RASSF8: variants seen among roughly 807,000 people sequenced by gnomAD.
RASSF8 encodes the protein ras association domain-containing protein 8.
RASSF8 carries 22 observed loss-of-function variants against 48.5 expected under a neutral mutation model. The ratio of observed to expected loss-of-function variants is 0.45; its 90% confidence interval spans 0.32 to 0.65. The LOEUF (loss-of-function observed/expected upper bound fraction) is 0.65, where lower values mean the gene tolerates loss of function less well. Ranked by LOEUF, RASSF8 falls within the 30% of genes least tolerant of loss-of-function variation. The pLI is 0.03. For missense variants in RASSF8, 418 were observed against 489.2 expected (o/e 0.85, Z 1.37); for synonymous variants, 127 against 171.5 (o/e 0.74, Z 2.03).
At chr12:25,988,569 T>A (rs960238274) in intron 1 of RASSF8, among the ~76,000 whole-genome samples, 8 of 152,126 alleles carry the variant, frequency 5.3e-5, no homozygotes, top group African/African-American at 1.2e-4. Flanking sequence ...ATAAAAAAAA[T>A]TTCTTTCATT....
chr12:26,016,146 C>G (rs1303946112), intron 2 of RASSF8, among the ~76,000 whole-genome samples: 2 of 150,662 alleles, frequency 1.3e-5, no homozygotes, highest in Non-Finnish European at 3.0e-5. Context: ...ATGGAAAATT[C>G]ATTCATTTTT....
intron 1 of RASSF8, among the ~76,000 whole-genome samples, chr12:25,964,136 C>T (rs1003193571): frequency 1.3e-5 from 2 of 152,120 alleles, no homozygotes; most frequent in African/African-American, 4.8e-5. Context: ...TGGTTGGGAA[C>T]CCTTGTTATT....
At chr12:25,963,042 A>G (rs1039852342) in intron 1 of RASSF8, among the ~76,000 whole-genome samples, 1 of 152,112 alleles carries the variant, frequency 6.6e-6, no homozygotes, top group Non-Finnish European at 1.5e-5. Flanking sequence ...GTGCCTTACT[A>G]TTTTACAGAG....
chr12:25,970,628 C>G (rs1941463990), intron 1 of RASSF8, among the ~76,000 whole-genome samples: 1 of 152,174 alleles, frequency 6.6e-6, no homozygotes, highest in African/African-American at 2.4e-5. Context: ...CTGCTAAAAG[C>G]CCAACCCTCA....
At chr12:26,074,329 T>G (rs773477911), downstream of RASSF8, among the ~76,000 whole-genome samples, 2 of 152,080 alleles carry the variant, frequency 1.3e-5, no homozygotes, top group Non-Finnish European at 2.9e-5. Context: ...GAGATGCATA[T>G]ATTTGTTCTC....
intron 2 of RASSF8, among the ~76,000 whole-genome samples, chr12:25,996,838 C>T (rs1022876743): frequency 1.3e-5 from 2 of 152,186 alleles, no homozygotes; most frequent in Non-Finnish European, 2.9e-5. Flanking sequence ...ACCTGGTTTA[C>T]AGGAGAGGGA....
chr12:26,069,535 T>C lies in RASSF8; in HGVS notation c.*717T>C, dbSNP rs1337652002. ...AAGCTAAATTGTATGTATAAAACAT[T>C]TGCAGTGTTTCAGACACTGTTGAAC... On this transcript the variant is annotated 3_prime_UTR_variant, in exon 6 of 6. Coordinates refer to ENST00000689635, the MANE Select transcript of RASSF8 (RefSeq NM_001394098.1). 2 of 985,342 alleles carry C rather than the reference T, an allele frequency of 2.0e-6. No individual in the cohort carries two copies. The highest frequency in any genetic ancestry group is 2.4e-6 in the Non-Finnish European group (2 of 829,934). The allele number at this position is 985,342 out of a possible 1,614,324, so 61.0% of individuals were successfully genotyped here. A position where few individuals can be genotyped will look rare whatever the true frequency, so the allele number is the denominator to read the frequency against.
chr12:25,983,782 A>G (rs895589720), intron 1 of RASSF8, among the ~76,000 whole-genome samples: 3 of 152,230 alleles, frequency 2.0e-5, no homozygotes, highest in Non-Finnish European at 4.4e-5. Context: ...TTACCGTAGG[A>G]CAGGGGTGAT....
At chr12:25,972,453 A>G (rs1402405758) in intron 1 of RASSF8, among the ~76,000 whole-genome samples, 1 of 152,172 alleles carries the variant, frequency 6.6e-6, no homozygotes, top group African/African-American at 2.4e-5. Context: ...CTCCAGCAGT[A>G]TTTATAGTAA....
chr12:26,009,653 C>T (rs976852805), intron 2 of RASSF8, among the ~76,000 whole-genome samples: 2 of 152,038 alleles, frequency 1.3e-5, no homozygotes, highest in African/African-American at 4.8e-5. Context: ...GAGAAGGAAC[C>T]CCAGTAAAGC....
intron 3 of RASSF8, among the ~76,000 whole-genome samples, chr12:26,056,734 A>G (rs966338493): frequency 1.1e-4 from 16 of 152,266 alleles, no homozygotes; most frequent in African/African-American, 3.6e-4. Flanking sequence ...TATTGCAGCA[A>G]TGCTGAAAAT....
At chr12:25,984,912 G>A (rs902481767) in intron 1 of RASSF8, among the ~76,000 whole-genome samples, 5 of 152,304 alleles carry the variant, frequency 3.3e-5, no homozygotes, top group Admixed American at 3.3e-4. Context: ...ATGCTGATCA[G>A]ACCATTTTTG....
At position 26,065,135 on chromosome 12, in the gene RASSF8, A is replaced by G; in HGVS notation, c.741A>G (p.Ile247Met). The G allele has an allele frequency of 6.2e-7, 1 of 1,614,026 alleles. No individual in the cohort carries two copies. The highest frequency in any genetic ancestry group is 8.5e-7 in the Non-Finnish European group (1 of 1,179,954). ...EKQLKDQLQE[I>M]RQKITECENK... ...AGCTGAAGGATCAACTTCAAGAAAT[A>G]AGACAGAAAATAACAGAATGTGAAA... The change falls in exon 4 of 6, where the codon ATA becomes ATG. Residue 247 changes from isoleucine (I) to methionine (M), a missense_variant. Transcript: ENST00000689635.
intron 2 of RASSF8, among the ~76,000 whole-genome samples, chr12:26,006,986 G>A (rs999228678): frequency 6.6e-6 from 1 of 152,162 alleles, no homozygotes; most frequent in Non-Finnish European, 1.5e-5. Context: ...TGGGCATCTG[G>A]TGAGGGCCTC....
At chr12:26,064,067 A>C (rs572671223) in intron 3 of RASSF8, among the ~76,000 whole-genome samples, 5 of 152,200 alleles carry the variant, frequency 3.3e-5, no homozygotes, top group Non-Finnish European at 7.4e-5. Context: ...GGATTTCCAC[A>C]GTGGAAATGT....
intron 2 of RASSF8, among the ~76,000 whole-genome samples, chr12:26,001,946 C>T (rs1942268609): frequency 6.6e-6 from 1 of 152,192 alleles, no homozygotes; most frequent in Admixed American, 6.5e-5. Context: ...AGTTTGCTTA[C>T]ACCAGCATCA....
chr12:26,034,177 C>A (rs1020312204), intron 2 of RASSF8, among the ~76,000 whole-genome samples: 1 of 151,912 alleles, frequency 6.6e-6, no homozygotes, highest in African/African-American at 2.4e-5. Flanking sequence ...ATGGTAAGCA[C>A]GTGGCACACT....
intron 1 of RASSF8, among the ~76,000 whole-genome samples, chr12:25,990,651 C>T (rs1045711930): frequency 1.3e-5 from 2 of 152,058 alleles, no homozygotes; most frequent in African/African-American, 2.4e-5. Flanking sequence ...TTGCGTTTAG[C>T]AAAACTGAAT....
intron 1 of RASSF8, among the ~76,000 whole-genome samples, chr12:25,989,288 A>G (rs1006764493): frequency 6.6e-5 from 10 of 152,074 alleles, no homozygotes; most frequent in African/African-American, 2.4e-4. Flanking sequence ...CTGATTTCAC[A>G]TTTTCTGATG....
Sources: gnomAD v4.1 joint callset for allele counts (sites outside exome capture counted in the v4.1 genomes callset) on GRCh38, gnomAD v4.1.1 for gene constraint, MANE v1.5 for transcripts, NCBI Gene and HGNC (gene_info 2026-07-23, HGNC 2026-07-21) for gene names.